MGAM2: variants seen among roughly 807,000 people sequenced by gnomAD.
The protein encoded by MGAM2 is probable maltase-glucoamylase 2.
MGAM2 carries 98 observed loss-of-function variants against 96.1 expected under a neutral mutation model. That is an observed-to-expected ratio of 1.02 (90% CI 0.87 to 1.21). MGAM2 has a LOEUF of 1.21. Among genes scored for constraint, MGAM2 ranks in the 50% most tolerant of loss-of-function variants. The pLI, the probability that MGAM2 is intolerant of heterozygous loss-of-function variation, is 0.00. For missense variants in MGAM2, 2,055 were observed against 1,182.4 expected (o/e 1.74, Z -10.82); for synonymous variants, 749 against 414.8 (o/e 1.81, Z -9.79).
At chr7:142,165,082 C>T in intron 24 of MGAM2, 59 bp downstream of exon 24, 5 of 615,326 alleles carry the variant, frequency 8.1e-6, no homozygotes, top group South Asian at 8.1e-5. Context: ...TGACAGCCAG[C>T]CCTACTTTGC....
At chr7:142,173,059 A>G (rs1354761643) in intron 30 of MGAM2, among the ~76,000 whole-genome samples, 170 bp from the exon 31 acceptor site, 1 of 152,182 alleles carries the variant, frequency 6.6e-6, no homozygotes, top group Non-Finnish European at 1.5e-5. Context: ...TTACGTTTCT[A>G]TCATTTTGCA....
chr7:142,202,472 T>A (rs1016833467), intron 45 of MGAM2, among the ~76,000 whole-genome samples: 6 of 152,162 alleles, frequency 3.9e-5, no homozygotes, highest in Non-Finnish European at 5.9e-5. Flanking sequence ...CCATTCCTTG[T>A]TACCCCATCT....
intron 46 of MGAM2, among the ~76,000 whole-genome samples, chr7:142,211,644 AAAG>A (rs757997703): frequency 2.0e-4 from 31 of 152,338 alleles, no homozygotes; most frequent in Non-Finnish European, 3.1e-4. Flanking sequence ...ATTAGAGAAA[AAAG>A]AATGAAAAGG....
chr7:142,220,411 ATAC>A lies in MGAM2; in HGVS notation c.5908_5910del (p.Thr1970del), dbSNP rs1033403506. ...GATACAACTGCCCCTTTCCCAACAAATACTACTACTGCTAGCACTAATGCTACT... is the reference window on the plus strand; with the variant it reads ...GATACAACTGCCCCTTTCCCAACAAATACTACTGCTAGCACTAATGCTACT... On this transcript the variant is annotated inframe_deletion, in exon 48 of 48. Transcript: ENST00000477922. 1.6e-5 allele frequency: 11 copies of A among 701,120 alleles called. No homozygotes were observed. The African/African-American group carries it at 1.6e-4, about 10-fold the overall frequency. The allele number at this position is 701,120 out of a possible 1,614,324, so 43.4% of individuals were successfully genotyped here.
chr7:142,141,149 A>G (rs1158279582), intron 12 of MGAM2, 30 bp downstream of exon 12: 2 of 691,268 alleles, frequency 2.9e-6, no homozygotes, highest in South Asian at 3.1e-5. Context: ...AAAGTAAATT[A>G]TGATTGTTTT....
At chr7:142,171,505 G>T in intron 28 of MGAM2, 65 bp downstream of exon 28, 1 of 666,524 alleles carries the variant, frequency 1.5e-6, no homozygotes, top group Non-Finnish European at 2.7e-6. Flanking sequence ...TAATCCTTAT[G>T]CTTATATATG....
intron 37 of MGAM2, among the ~76,000 whole-genome samples, chr7:142,192,732 C>T (rs966909724): frequency 6.6e-6 from 1 of 152,162 alleles, no homozygotes; most frequent in Admixed American, 6.5e-5. Context: ...ACATCTGCAT[C>T]CCATCGCCAT....
intron 13 of MGAM2, among the ~76,000 whole-genome samples, chr7:142,144,136 G>A (rs887876165): frequency 2.6e-5 from 4 of 151,974 alleles, no homozygotes; most frequent in African/African-American, 9.7e-5. Flanking sequence ...TCCATTAACT[G>A]GTTGTCAGCT....
chr7:142,159,097 C>A (rs1731232679), intron 19 of MGAM2, among the ~76,000 whole-genome samples, 190 bp from the exon 20 acceptor site: 1 of 152,172 alleles, frequency 6.6e-6, no homozygotes, highest in African/African-American at 2.4e-5. Context: ...CAAAACAAAT[C>A]ATTTTTAGCT....
At chr7:142,126,002 C>A (rs1794725178) in intron 3 of MGAM2, among the ~76,000 whole-genome samples, 1 of 152,048 alleles carries the variant, frequency 6.6e-6, no homozygotes, top group Non-Finnish European at 1.5e-5. Context: ...TAAGCTTTTG[C>A]ATCTATATAT....
intron 3 of MGAM2, among the ~76,000 whole-genome samples, chr7:142,129,055 C>T (rs1397912373): frequency 1.3e-5 from 2 of 152,212 alleles, no homozygotes; most frequent in South Asian, 2.1e-4. Flanking sequence ...CAGAGCTGCT[C>T]AAGGCTGTGG....
chr7:142,149,229 C>CAAAA lies in MGAM2; in HGVS notation c.1634+1663_1634+1666dup, dbSNP rs72418423. On this transcript the variant is annotated intron_variant, in intron 15 of 47. Coordinates refer to ENST00000477922, the MANE Select transcript of MGAM2 (RefSeq NM_001293626.2). ...GGGCAACAAGAGTGAAACTCCGTCT[C>CAAAA]AAAAAAAAAATAAAAAAAGATACTT... Among the ~76,000 whole-genome samples, 259 of 147,630 alleles carry CAAAA rather than the reference C, an allele frequency of 1.8e-3. 1 individual carries two copies. The highest frequency in any genetic ancestry group is 0.012 in the South Asian group (54 of 4,636).
At chr7:142,153,808 G>A (rs12703437) in intron 15 of MGAM2, among the ~76,000 whole-genome samples, 30,331 of 152,148 alleles carry the variant, frequency 0.2, 3,141 homozygotes, top group Middle Eastern at 0.31. Context: ...CTAGAATATA[G>A]AGGTTTGTAC....
At chr7:142,198,817 C>A in intron 44 of MGAM2, 78 bp downstream of exon 44, 1 of 638,712 alleles carries the variant, frequency 1.6e-6, no homozygotes, top group South Asian at 1.8e-5. Context: ...GTCCCACCTT[C>A]GCCAGGGATA....
In MGAM2 at chr7:142,220,983, G is replaced by T. The variant is rs1361409804; in HGVS notation, c.6472G>T (p.Val2158Phe). The change falls in exon 48 of 48, where the codon GTT becomes TTT. Residue 2158 changes from valine (V) to phenylalanine (F), a missense_variant. Transcript: ENST00000477922. ...TACTAATGCTAGCACTAGTACTAAT[G>T]TTGCTAATATAACTGCTACCTCTCA... ...NTTNASTSTN[V>F]ANITATSHTS... is the part of the protein sequence containing the mutation. 7.1e-6 allele frequency: 5 copies of T among 701,986 alleles called. No homozygotes were observed. Among genetic ancestry groups the T allele is most frequent in the Non-Finnish European group, 1.3e-5 (5 of 384,722 alleles). The allele number at this position is 701,986 out of a possible 1,614,324, so 43.5% of individuals were successfully genotyped here. A position where few individuals can be genotyped will look rare whatever the true frequency, so the allele number is the denominator to read the frequency against.
intron 7 of MGAM2, among the ~76,000 whole-genome samples, chr7:142,135,844 T>A (rs188992620): frequency 7.2e-5 from 11 of 152,168 alleles, no homozygotes; most frequent in Admixed American, 5.9e-4. Flanking sequence ...AGCTTTTTTT[T>A]AACCACTTAA....
At chr7:142,162,990 T>C (rs1795932882) in intron 23 of MGAM2, among the ~76,000 whole-genome samples, 1 of 152,130 alleles carries the variant, frequency 6.6e-6, no homozygotes, top group Non-Finnish European at 1.5e-5. Flanking sequence ...CTGTTCGCCA[T>C]TTCTATAATT....
intron 45 of MGAM2, among the ~76,000 whole-genome samples, chr7:142,206,342 T>A (rs566708823): frequency 1.3e-5 from 2 of 152,284 alleles, no homozygotes; most frequent in East Asian, 3.9e-4. Flanking sequence ...GGGCTGGTTA[T>A]TATACATGTT....
In MGAM2 at chr7:142,136,589, G is replaced by A. The variant is rs1323978561; in HGVS notation, c.796G>A (p.Asp266Asn). The A allele has an allele frequency of 1.4e-6, 1 of 702,822 alleles. No homozygotes were observed. Among genetic ancestry groups the A allele is most frequent in the South Asian group, 1.5e-5 (1 of 67,406 alleles). The allele number at this position is 702,822 out of a possible 1,614,324, so 43.5% of individuals were successfully genotyped here. Reference protein sequence around the residue: ...GAHTFFLCLEDARGSSFGVFL... With the variant: ...GAHTFFLCLENARGSSFGVFL... Reference sequence around the variant, plus strand: ...TCATACATTCTTCTTGTGCCTTGAAGATGCCAGGGGCTCCTCTTTTGGAGT... The same window carrying A: ...TCATACATTCTTCTTGTGCCTTGAAAATGCCAGGGGCTCCTCTTTTGGAGT... The change falls in exon 8 of 48, where the codon GAT (aspartate) becomes AAT (asparagine). Residue 266 changes from aspartate (D) to asparagine (N), a missense_variant. By Grantham distance (23) the Asp-to-Asn change is conservative (BLOSUM62 1). Coordinates refer to ENST00000477922, the MANE Select transcript of MGAM2 (RefSeq NM_001293626.2).
Sources: gnomAD v4.1 joint callset for allele counts (sites outside exome capture counted in the v4.1 genomes callset) on GRCh38, gnomAD v4.1.1 for gene constraint, MANE v1.5 for transcripts, NCBI Gene and HGNC (gene_info 2026-07-23, HGNC 2026-07-21) for gene names.